RNF2: variants seen among roughly 807,000 people sequenced by gnomAD.
The protein encoded by RNF2 is E3 ubiquitin-protein ligase RING2.
RNF2 carries 6 observed loss-of-function variants against 37.2 expected under a neutral mutation model. The ratio of observed to expected loss-of-function variants is 0.16; its 90% CI spans 0.09 to 0.32. The LOEUF (loss-of-function observed/expected upper bound fraction) is 0.32. Among genes scored for constraint, RNF2 ranks in the 10% least tolerant of loss-of-function variants. The pLI, the probability that RNF2 is intolerant of heterozygous loss-of-function variation, is 1.00. For missense variants in RNF2, 251 were observed against 404.0 expected, an observed-to-expected ratio of 0.62 and a Z score of 3.25; for synonymous variants, 133 against 132.7, an observed-to-expected ratio of 1.00 and a Z score of -0.02.
rs182707117 is a variant in RNF2 at position 185,073,290 on chromosome 1, A to C, written c.-2-14262A>C. On this transcript the variant is annotated intron_variant, in intron 1 of 6. Coordinates refer to ENST00000367510, the MANE Select transcript of RNF2 (RefSeq NM_007212.4). ...ATTTGTGCTGGGTAAATTTCTTTTT[A>C]TTTTTAATTTTTTAAAATTTTTTTG... Among the ~76,000 whole-genome samples the C allele has an allele frequency of 2.5e-4, 38 of 151,904 alleles. 1 individual carries two copies. Among genetic ancestry groups the C allele is most frequent in the Admixed American group, 2.2e-3 (34 of 15,244 alleles).
chr1:185,100,547 T>TG lies in RNF2; in HGVS notation c.*246_*247insG, dbSNP rs1652049898. 1 of 238,994 alleles carries TG rather than the reference T, an allele frequency of 4.2e-6. No individual in the cohort carries two copies. The highest frequency in any genetic ancestry group is 3.0e-5 in the African/African-American group (1 of 33,200). The allele number at this position is 238,994 out of a possible 1,614,324, so 14.8% of individuals were successfully genotyped here. A position where few individuals can be genotyped will look rare whatever the true frequency, so the allele number is the denominator to read the frequency against. On this transcript the variant is annotated 3_prime_UTR_variant, in exon 7 of 7. Transcript: ENST00000367510. ...AATATATCTGAAGTTTCTTGTGTTT[T>TG]TTTTTTTCCCCACAAAGTGTGTTTC... is the stretch of plus-strand genomic sequence containing the variant.
chr1:185,047,041 A>T (rs1339831857), intron 1 of RNF2, among the ~76,000 whole-genome samples: 1 of 152,236 alleles, frequency 6.6e-6, no homozygotes, highest in Non-Finnish European at 1.5e-5. Flanking sequence ...AGTATCTTTA[A>T]AAATCTTGAT....
chr1:185,087,788 C>T, intron 2 of RNF2, 148 bp downstream of exon 2: 1 of 648,754 alleles, frequency 1.5e-6, no homozygotes, highest in Non-Finnish European at 2.7e-6. Flanking sequence ...ACACTTTATT[C>T]ATTGATTGAA....
intron 1 of RNF2, among the ~76,000 whole-genome samples, chr1:185,047,727 C>G (rs1458518274): frequency 2.0e-5 from 3 of 152,134 alleles, no homozygotes; most frequent in Non-Finnish European, 4.4e-5. Context: ...TTTGAAATGA[C>G]TCATTAAATT....
intron 1 of RNF2, among the ~76,000 whole-genome samples, chr1:185,057,587 G>A (rs1178825086): frequency 6.6e-6 from 1 of 152,150 alleles, no homozygotes; most frequent in Non-Finnish European, 1.5e-5. Context: ...GATGGCAGTA[G>A]CTTGTTGTGC....
intron 1 of RNF2, among the ~76,000 whole-genome samples, chr1:185,084,191 A>G (rs1651512536): frequency 1.3e-5 from 2 of 151,900 alleles, no homozygotes; most frequent in Non-Finnish European, 2.9e-5. Flanking sequence ...CAGTCCTGTG[A>G]GCCACCATAG....
Position 185,098,097 on chromosome 1 carries a change from A to G in RNF2, c.490A>G (p.Ile164Val), listed in dbSNP as rs199650388. 1.2e-6 allele frequency: 2 copies of G among 1,614,176 alleles called. No homozygotes were observed. The highest frequency in any genetic ancestry group is 1.7e-6 in the Non-Finnish European group (2 of 1,180,020). Residue 164 changes from isoleucine to valine, a missense_variant, in exon 5 of 7, where the codon ATT (isoleucine) becomes GTT (valine). Coordinates refer to ENST00000367510, the MANE Select transcript of RNF2 (RefSeq NM_007212.4). ...ACTGCAGCGAGGCAAGAAACAACAG[A>G]TTGAAAATGGTAGTGGAGCAGAAGA... ...NRLQRGKKQQ[I>V]ENGSGAEDNG...
intron 1 of RNF2, among the ~76,000 whole-genome samples, chr1:185,062,037 G>C (rs1177927620): frequency 6.6e-6 from 1 of 152,186 alleles, no homozygotes; most frequent in African/African-American, 2.4e-5. Context: ...CAGTATTCCT[G>C]TAATCAAGTT....
chr1:185,091,975 C>T (rs112287412), intron 3 of RNF2: 46 of 341,912 alleles, frequency 1.3e-4, no homozygotes, highest in African/African-American at 5.8e-4. Context: ...CCACCGTGGC[C>T]GGCTAGTTTT....
chr1:185,046,969 C>A (rs1404295914), intron 1 of RNF2, among the ~76,000 whole-genome samples: 2 of 152,174 alleles, frequency 1.3e-5, no homozygotes, highest in African/African-American at 4.8e-5. Context: ...ATTTAAATAG[C>A]AGCAATATGA....
intron 1 of RNF2, among the ~76,000 whole-genome samples, chr1:185,080,393 G>A (rs1010731916): frequency 3.9e-5 from 6 of 152,204 alleles, no homozygotes; most frequent in Non-Finnish European, 8.8e-5. Flanking sequence ...GGGGCAGGGT[G>A]AATTTAGATT....
intron 4 of RNF2, among the ~76,000 whole-genome samples, chr1:185,096,457 C>T (rs911017428): frequency 4.6e-5 from 7 of 152,098 alleles, no homozygotes; most frequent in Non-Finnish European, 1.0e-4. Flanking sequence ...CCTCATTTCT[C>T]CCTCCCCCCA....
At chr1:185,082,278 C>T (rs1295341098) in intron 1 of RNF2, among the ~76,000 whole-genome samples, 5 of 149,796 alleles carry the variant, frequency 3.3e-5, no homozygotes, top group East Asian at 2.0e-4. Flanking sequence ...CTCAGTTGGT[C>T]GTTGTCAACT....
At chr1:185,077,036 T>A (rs931720800) in intron 1 of RNF2, among the ~76,000 whole-genome samples, 5 of 152,210 alleles carry the variant, frequency 3.3e-5, no homozygotes, top group African/African-American at 1.2e-4. Context: ...TTTGTGAAAT[T>A]ATTTTAAGGA....
At position 185,069,390 on chromosome 1, in the gene RNF2, A is replaced by G. The variant is rs994010270; in HGVS notation, c.-2-18162A>G. ...GAGGATTGCCTGAGCCCAGGAGGTC[A>G]AGGCTGTGGTGAGCCATGATTGCAT... On this transcript the variant is annotated intron_variant, in intron 1 of 6. Coordinates refer to ENST00000367510, the MANE Select transcript of RNF2 (RefSeq NM_007212.4). Among the ~76,000 whole-genome samples, 57 of 151,790 alleles carry G rather than the reference A, an allele frequency of 3.8e-4. 2 individuals carry two copies. The highest frequency in any genetic ancestry group is 1.5e-5 in the Non-Finnish European group (1 of 67,946).
rs189105348 is a variant in RNF2 at position 185,075,585 on chromosome 1, G to A, written c.-2-11967G>A. ...GCAAGGCTGTACAGGAAGCATGGCT[G>A]GGGGAGGCCTCAGGAAACTTACATT... On this transcript the variant is annotated intron_variant, in intron 1 of 6. Transcript: ENST00000367510. Among the ~76,000 whole-genome samples the A allele has an allele frequency of 2.8e-3, 434 of 152,326 alleles. 1 individual carries two copies. Among genetic ancestry groups the A allele is most frequent in the Non-Finnish European group, 4.4e-3 (298 of 68,020 alleles).
intron 2 of RNF2, among the ~76,000 whole-genome samples, chr1:185,088,485 G>A: frequency 6.6e-6 from 1 of 152,016 alleles, no homozygotes; most frequent in African/African-American, 2.4e-5. Flanking sequence ...GAACCTGGGA[G>A]GCGGTGGTTG....
At chr1:185,076,238 C>CCTTCTTTT (rs1651147865) in intron 1 of RNF2, among the ~76,000 whole-genome samples, 1 of 109,122 alleles carries the variant, frequency 9.2e-6, no homozygotes, top group East Asian at 2.6e-4. Flanking sequence ...TTTAGGCTGC[C>CCTTCTTTT]CTTCTTTTCT....
chr1:185,088,917 A>G (rs1254705080), intron 2 of RNF2, among the ~76,000 whole-genome samples: 2 of 152,104 alleles, frequency 1.3e-5, no homozygotes, highest in Non-Finnish European at 2.9e-5. Flanking sequence ...ATGTGCTAAT[A>G]AGTACTATGT....
Sources: gnomAD v4.1 joint callset for allele counts (sites outside exome capture counted in the v4.1 genomes callset) on GRCh38, gnomAD v4.1.1 for gene constraint, MANE v1.5 for transcripts, NCBI Gene and HGNC (gene_info 2026-07-23, HGNC 2026-07-21) for gene names.